The following KANTR variants were observed in gnomAD, a reference collection of about 807,000 sequenced individuals.
The protein encoded by KANTR is KANTR integral membrane protein.
intron 1 of KANTR, among the ~76,000 whole-genome samples, chrX:53,097,540 A>G (rs1429029789): frequency 1.9e-5 from 2 of 103,141 alleles, no homozygotes; most frequent in African/African-American, 7.0e-5. Context: ...TTTAGCAGAG[A>G]CAGGGTTTCA....
rs1569237410 is a variant in KANTR, at chrX:53,117,611, T to TGTG, written c.-804-5858_-804-5857insGTG. Among the ~76,000 whole-genome samples the TGTG allele has an allele frequency of 5.2e-4, 10 of 19,349 alleles. No individual in the cohort carries two copies. The Middle Eastern group carries it at 0.087, about 168-fold the overall frequency. 16.8% of individuals were successfully genotyped at this position (19,349 alleles called of 115,157 possible). ...ATACTGTGTGTGTGTGTGTGTGTGT[T>TGTG]TTTTTTTTTTTTTTTTTTTTTTTGA... On this transcript the variant is annotated intron_variant, in intron 2 of 2. Transcript: ENST00000604062.
intron 2 of KANTR, among the ~76,000 whole-genome samples, chrX:53,109,335 T>C (rs1396202317): frequency 1.8e-5 from 2 of 112,225 alleles, no homozygotes; most frequent in East Asian, 5.6e-4. Context: ...CAGGCTGGAG[T>C]ATGCAGTGGC....
chrX:53,127,408 TACTC>T (rs1556816322), exon 3 of KANTR: 1 of 112,342 alleles, frequency 8.9e-6, no homozygotes. Flanking sequence ...GCATAGTAGA[TACTC>T]AATAAATATT....
chrX:53,126,779 G>C (rs1933296090), exon 3 of KANTR: 1 of 111,490 alleles, frequency 9.0e-6, no homozygotes, highest in Admixed American at 9.5e-5. Flanking sequence ...TAATAATTGT[G>C]TATTTTGTTT....
intron 1 of KANTR, among the ~76,000 whole-genome samples, chrX:53,098,804 C>T (rs782071087): frequency 1.1e-4 from 12 of 110,387 alleles, no homozygotes; most frequent in Admixed American, 8.8e-4. Context: ...CGGCTCACTG[C>T]GGCCTCGACC....
chrX:53,115,013 G>T (rs1470764799), intron 2 of KANTR, among the ~76,000 whole-genome samples: 2 of 111,460 alleles, frequency 1.8e-5, no homozygotes, highest in Non-Finnish European at 3.8e-5. Flanking sequence ...TACTGGGATG[G>T]GCCTGGACCC....
intron 2 of KANTR, among the ~76,000 whole-genome samples, chrX:53,100,450 A>T (rs1932879738): frequency 9.3e-6 from 1 of 107,323 alleles, no homozygotes; most frequent in Admixed American, 1.0e-4. Context: ...ATTGCATTCC[A>T]GCCTGGGCAA....
At chrX:53,139,050 T>C (rs1045327019) in intron 2 of KANTR, among the ~76,000 whole-genome samples, 58 of 109,435 alleles carry the variant, frequency 5.3e-4, no homozygotes, top group South Asian at 2.4e-3. Flanking sequence ...TGAAACACCA[T>C]GTCTACTAAA....
intron 2 of KANTR, among the ~76,000 whole-genome samples, chrX:53,114,694 G>C (rs1933096934): frequency 9.1e-6 from 1 of 109,886 alleles, no homozygotes; most frequent in Non-Finnish European, 1.9e-5. Flanking sequence ...TCCTGGATCT[G>C]CGGGAGCCAA....
At chrX:53,128,780 G>T (rs1019145954), downstream of KANTR, among the ~76,000 whole-genome samples, 2 of 109,094 alleles carry the variant, frequency 1.8e-5, no homozygotes, top group African/African-American at 6.8e-5. Context: ...TCTCTCCAAA[G>T]ATTTTTTTTT....
At chrX:53,143,898 C>T (rs1556818886), downstream of KANTR, 9 of 405,331 alleles carry the variant, frequency 2.2e-5, no homozygotes, top group Admixed American at 1.6e-4. Context: ...ATGAGCGCGG[C>T]GATCTCTATT....
chrX:53,145,813 T>C (rs1301337841), downstream of KANTR, among the ~76,000 whole-genome samples: 5 of 111,943 alleles, frequency 4.5e-5, no homozygotes, highest in African/African-American at 1.3e-4. Context: ...TCCAGAGGAA[T>C]GATCAGGCAG....
intron 2 of KANTR, among the ~76,000 whole-genome samples, chrX:53,100,516 T>C (rs1195092085): frequency 9.5e-6 from 1 of 105,537 alleles, no homozygotes; most frequent in Non-Finnish European, 1.9e-5. Flanking sequence ...AGAAAATCTG[T>C]TGGCCGGGTG....
intron 2 of KANTR, among the ~76,000 whole-genome samples, chrX:53,137,522 T>C (rs781786530): frequency 2.7e-5 from 3 of 111,563 alleles, no homozygotes; most frequent in Non-Finnish European, 5.7e-5. Context: ...CCCGGCACTT[T>C]GGGAGGCTGA....
chrX:53,121,532 G>A (rs1411168559), intron 2 of KANTR, among the ~76,000 whole-genome samples: 5 of 109,586 alleles, frequency 4.6e-5, no homozygotes, highest in African/African-American at 1.7e-4. Flanking sequence ...TCAAAATATC[G>A]CATTTCATTC....
exon 3 of KANTR, chrX:53,123,563 C>T (rs1281989324): frequency 1.8e-5 from 2 of 111,513 alleles, no homozygotes; most frequent in Non-Finnish European, 3.8e-5. Flanking sequence ...ATCTGATACT[C>T]GGGAAGACAG....
intron 2 of KANTR, among the ~76,000 whole-genome samples, chrX:53,106,554 C>T (rs1227068925): frequency 9.2e-6 from 1 of 109,079 alleles, no homozygotes; most frequent in African/African-American, 3.5e-5. Flanking sequence ...AAGTGTGAGC[C>T]ATCACACCCA....
chrX:53,113,680 A>G (rs1260040149), intron 2 of KANTR, among the ~76,000 whole-genome samples: 3 of 103,491 alleles, frequency 2.9e-5, no homozygotes, highest in African/African-American at 1.1e-4. Flanking sequence ...CCTGGGTTGA[A>G]GCTATTCTCA....
chrX:53,108,844 G>C (rs1296446103), intron 2 of KANTR, among the ~76,000 whole-genome samples: 3 of 110,823 alleles, frequency 2.7e-5, no homozygotes, highest in Admixed American at 1.9e-4. Context: ...AGGACTACAG[G>C]TGCACACCAC....
Sources: gnomAD v4.1 joint callset for allele counts (sites outside exome capture counted in the v4.1 genomes callset) on GRCh38, gnomAD v4.1.1 for gene constraint, MANE v1.5 for transcripts, NCBI Gene and HGNC (gene_info 2026-07-23, HGNC 2026-07-21) for gene names.